DMTN: variants seen among roughly 807,000 people sequenced by gnomAD.
DMTN encodes dematin.
Under a neutral mutation model 59.4 loss-of-function variants are expected in DMTN, and 27 were observed. The observed-to-expected ratio is 0.45, with a 90% CI of 0.33 to 0.63. The LOEUF is 0.63. Ranked by LOEUF, DMTN falls within the 20% of genes least tolerant of loss-of-function variation. The pLI is 0.02. For missense variants in DMTN, 451 were observed against 528.9 expected, an observed-to-expected ratio of 0.85 and a Z score of 1.45; for synonymous variants, 221 against 203.7, an observed-to-expected ratio of 1.08 and a Z score of -0.72.
intron 1 of DMTN, among the ~76,000 whole-genome samples, chr8:22,057,686 C>CCAAG (rs754856744): frequency 2.0e-5 from 3 of 152,144 alleles, no homozygotes; most frequent in Non-Finnish European, 2.9e-5. Flanking sequence ...AGCTGCAAGC[C>CCAAG]CAAGCCCAGT....
rs906350865 is a variant in DMTN, at chr8:22,060,525, C to A, written c.-172+3389C>A. Among the ~76,000 whole-genome samples, 1 of 152,212 alleles carries A rather than the reference C, an allele frequency of 6.6e-6. No individual in the cohort carries two copies. Among genetic ancestry groups the A allele is most frequent in the Non-Finnish European group, 1.5e-5 (1 of 68,042 alleles). The stretch of plus-strand genomic sequence containing the variant: ...GCCTTCTGACAGCTTAAAATTTAAC[C>A]AGTACAAACATTATGCCTTAAGGCT... On this transcript the variant is annotated intron_variant, in intron 1 of 15. Transcript: ENST00000358242. This position sits in a 1 kb window ranked among gnomAD's most constrained non-coding sequence, Gnocchi z 5.0.
chr8:22,081,093 G>GGGGGGGGGGGGGGC lies in DMTN; in HGVS notation c.1024-20_1024-19insGGGGGGGGGGGGGC. The GGGGGGGGGGGGGGC allele has an allele frequency of 6.4e-7, 1 of 1,572,880 alleles. No homozygotes were observed. Among genetic ancestry groups the GGGGGGGGGGGGGGC allele is most frequent in the Non-Finnish European group, 8.7e-7 (1 of 1,144,784 alleles). ...CAGGATATTCTGTGAGCCTAAGATT[G>GGGGGGGGGGGGGGC]CCCCTCCCCCCACCCCCAGATCTAT... On this transcript the variant is annotated intron_variant, in intron 14 of 15. Transcript: ENST00000358242.
In DMTN at chr8:22,070,347, G is replaced by T. The variant is rs1814335856; in HGVS notation, c.604+13G>T. On this transcript the variant is annotated intron_variant, in intron 8 of 15. Transcript: ENST00000358242. ...CTGGCTGTTGTGGGTAGGAGAGATG[G>T]GGAGAGTGGAATGGGTGGTCTGGGA... 6.3e-7 allele frequency: 1 copy of T among 1,587,684 alleles called. No individual in the cohort carries two copies. The highest frequency in any genetic ancestry group is 1.4e-5 in the African/African-American group (1 of 73,830).
At chr8:22,061,296 A>AAAAGAAAG (rs1220661163) in intron 1 of DMTN, among the ~76,000 whole-genome samples, 4 of 146,426 alleles carry the variant, frequency 2.7e-5, no homozygotes, top group African/African-American at 1.1e-4. Context: ...AAAAAAAAAA[A>AAAAGAAAG]AAAGAAAGAA....
chr8:22,073,768 G>GATGGGAAAGATGATCTTGAAAGAAGAA lies in DMTN; in HGVS notation c.772_773insGAAAGATGATCTTGAAAGAAGAAATGG (p.Gly249_Met257dup). ...TGGGAAAGATGATCTTGAAAGAAGA[G>GATGGGAAAGATGATCTTGAAAGAAGAA]ATGGAAAAGTCATTGCCGATCCGAA... is the stretch of plus-strand genomic sequence containing the variant. On this transcript the variant is annotated inframe_insertion, in exon 10 of 16. Transcript: ENST00000358242. The GATGGGAAAGATGATCTTGAAAGAAGAA allele has an allele frequency of 6.2e-7, 1 of 1,613,850 alleles. No individual in the cohort carries two copies. Among genetic ancestry groups the GATGGGAAAGATGATCTTGAAAGAAGAA allele is most frequent in the Non-Finnish European group, 8.5e-7 (1 of 1,179,876 alleles).
intron 1 of DMTN, chr8:22,066,434 G>A (rs1028254076): frequency 2.6e-5 from 4 of 153,214 alleles, no homozygotes; most frequent in South Asian, 1.9e-4. Context: ...CCGGGGCGGG[G>A]AGGGCAGGTG....
chr8:22,066,133 T>G (rs1165282687), intron 1 of DMTN, among the ~76,000 whole-genome samples: 1 of 152,184 alleles, frequency 6.6e-6, no homozygotes, highest in Non-Finnish European at 1.5e-5. Context: ...CGTGAGCCAC[T>G]TATGCCCGAC....
In DMTN at chr8:22,081,974, A is replaced by G; in HGVS notation, c.*511A>G. 1 of 453,310 alleles carries G rather than the reference A, an allele frequency of 2.2e-6. No homozygotes were observed. The highest frequency in any genetic ancestry group is 4.4e-6 in the Non-Finnish European group (1 of 226,272). 28.1% of individuals were successfully genotyped at this position (453,310 alleles called of 1,614,324 possible). A position where few individuals can be genotyped will look rare whatever the true frequency, so the allele number is the denominator to read the frequency against. Reference sequence around the variant, plus strand: ...AACAGGCCCCAGCTCAGCCTCCGGCAGGGAGGTCACCCCTCCACTTCAGCT... The same window carrying G: ...AACAGGCCCCAGCTCAGCCTCCGGCGGGGAGGTCACCCCTCCACTTCAGCT... On this transcript the variant is annotated 3_prime_UTR_variant, in exon 16 of 16. Transcript: ENST00000358242.
At chr8:22,055,551 T>C (rs982093279), upstream of DMTN, 1 of 152,320 alleles carries the variant, frequency 6.6e-6, no homozygotes, top group Admixed American at 6.5e-5. Context: ...TCTGCCACAT[T>C]GAAGGTATGC....
intron 1 of DMTN, among the ~76,000 whole-genome samples, chr8:22,061,565 A>G (rs1007481484): frequency 1.3e-5 from 2 of 151,584 alleles, no homozygotes; most frequent in African/African-American, 4.9e-5. Flanking sequence ...CCACTTTCAC[A>G]CTCTGTGCCC....
chr8:22,058,723 A>G lies in DMTN; in HGVS notation c.-172+1587A>G, dbSNP rs1332613732. ...TGCCCTGTAGTGCTGGGTTAGGGGA[A>G]CCCTCATCCCAGCAGACACAACGGT... On this transcript the variant is annotated intron_variant, in intron 1 of 15. Coordinates refer to ENST00000358242, the MANE Select transcript of DMTN (RefSeq NM_001387751.1). The surrounding 1 kb of genome is among the most constrained non-coding windows in gnomAD (Gnocchi z 4.3). 6.6e-6 allele frequency among the ~76,000 whole-genome samples: 1 copy of G among 151,906 alleles called. No homozygotes were observed. The highest frequency in any genetic ancestry group is 1.5e-5 in the Non-Finnish European group (1 of 67,968).
upstream of DMTN, among the ~76,000 whole-genome samples, chr8:22,052,745 A>T (rs919061476): frequency 6.6e-6 from 1 of 152,140 alleles, no homozygotes; most frequent in Non-Finnish European, 1.5e-5. Flanking sequence ...TAAGGAAACT[A>T]ATATGTACCG....
Position 22,069,933 on chromosome 8 carries a change from G to A in DMTN, c.447G>A (p.Gln149=), listed in dbSNP as rs891521624. ...ACAAGAAGCCTCCCATCTATAAGCA[G>A]AGAGGTGAGGGCGCCCCTGGCTCAC... ...NIYKKPPIYK[Q]RESVGGSPQT... The change falls in exon 7 of 16, where the codon CAG becomes CAA. Residue 149 remains glutamine (Q), a synonymous_variant. Transcript: ENST00000358242. The A allele has an allele frequency of 1.2e-6, 2 of 1,614,046 alleles. No homozygotes were observed. Among genetic ancestry groups the A allele is most frequent in the African/African-American group, 2.7e-5 (2 of 74,930 alleles).
intron 10 of DMTN, among the ~76,000 whole-genome samples, chr8:22,079,265 A>ATATATAT (rs1822177121): frequency 1.0e-4 from 2 of 19,598 alleles, no homozygotes; most frequent in African/African-American, 2.5e-4. Flanking sequence ...AAAATAAATA[A>ATATATAT]ATAAATAAAT....
intron 10 of DMTN, 44 bp from the exon 11 acceptor site, chr8:22,080,136 C>T (rs1180566730): frequency 6.2e-7 from 1 of 1,611,622 alleles, no homozygotes; most frequent in Non-Finnish European, 8.5e-7. Flanking sequence ...GAAGGGCTGT[C>T]AGGGCCAAAG....
rs2131188125 is a variant in DMTN at position 22,072,461 on chromosome 8, A to G, written c.729+11A>G. The G allele has an allele frequency of 6.6e-7, 1 of 1,519,932 alleles. No homozygotes were observed. The highest frequency in any genetic ancestry group is 8.9e-7 in the Non-Finnish European group (1 of 1,122,388). The allele number at this position is 1,519,932 out of a possible 1,614,324, so 94.2% of individuals were successfully genotyped here. A position where few individuals can be genotyped will look rare whatever the true frequency, so the allele number is the denominator to read the frequency against. The stretch of plus-strand genomic sequence containing the variant: ...GAGGAACTCAGTAAGGTAGCATCTC[A>G]CCACCCCCACCCTCCACCCCTGTGC... On this transcript the variant is annotated intron_variant, in intron 9 of 15. Coordinates refer to ENST00000358242, the MANE Select transcript of DMTN (RefSeq NM_001387751.1).
chr8:22,068,895 C>T (rs879074993), intron 4 of DMTN, 121 bp from the exon 5 acceptor site: 1 of 1,157,794 alleles, frequency 8.6e-7, no homozygotes, highest in South Asian at 1.3e-5. Context: ...GCAGAGGTGG[C>T]CCAGAAGCTG....
chr8:22,048,939 G>C (rs1335694274), upstream of DMTN: 1 of 148,612 alleles, frequency 6.7e-6, no homozygotes, highest in Admixed American at 6.7e-5. The surrounding 1 kb of genome is among the most constrained non-coding windows in gnomAD (Gnocchi z 6.9). Context: ...CCAGGAGGCC[G>C]CGGGCTCGGC....
chr8:22,061,293 A>AG (rs1222820457), intron 1 of DMTN, among the ~76,000 whole-genome samples: 1 of 151,212 alleles, frequency 6.6e-6, no homozygotes, highest in Non-Finnish European at 1.5e-5. Flanking sequence ...AAAAAAAAAA[A>AG]AAAAAAGAAA....
Sources: allele counts gnomAD v4.1 joint callset (sites outside exome capture counted in the v4.1 genomes callset), GRCh38; gene constraint gnomAD v4.1.1; non-coding constraint Gnocchi (gnomAD v3.1); transcripts MANE v1.5; gene names NCBI Gene and HGNC (gene_info 2026-07-23, HGNC 2026-07-21).